The following CNTN6 variants were observed in gnomAD, a reference collection of about 807,000 sequenced individuals.
CNTN6 encodes the protein contactin-6.
Under a neutral mutation model 122.8 loss-of-function variants are expected in CNTN6, and 137 were observed. The ratio of observed to expected loss-of-function variants is 1.12; its 90% CI spans 0.97 to 1.29. The LOEUF (loss-of-function observed/expected upper bound fraction) is 1.29. CNTN6 is among the 50% of genes most tolerant of loss of function. CNTN6 has a pLI of 0.00. For missense variants in CNTN6, 1,634 were observed against 1,223.4 expected (o/e 1.34, Z -5.01); for synonymous variants, 570 against 426.0 (o/e 1.34, Z -4.16).
intron 12 of CNTN6, among the ~76,000 whole-genome samples, chr3:1,367,533 C>T (rs950373213): frequency 1.3e-5 from 2 of 151,674 alleles, no homozygotes; most frequent in African/African-American, 4.8e-5. Flanking sequence ...TTTGTACATA[C>T]TAAACACAAA....
At position 1,278,483 on chromosome 3, in the gene CNTN6, C is replaced by T. The variant is rs766653024; in HGVS notation, c.429C>T (p.Leu143=). The T allele has an allele frequency of 8.7e-6, 14 of 1,612,158 alleles. No individual in the cohort carries two copies. The highest frequency in any genetic ancestry group is 1.1e-5 in the South Asian group (1 of 90,930). The change falls in exon 5 of 23, where the codon CTC becomes CTT. Residue 143 remains leucine (L), a synonymous_variant. Transcript: ENST00000446702. ...SVREGQGVVL[L]CGPPPHFGDL... is the part of the protein sequence containing the mutation. ...GAGAAGGTCAAGGTGTGGTGCTTCT[C>T]TGTGGCCCACCGCCACATTTTGGAG...
At position 1,403,496 on chromosome 3, in the gene CNTN6, G is replaced by C; in HGVS notation, c.*78G>C. 1 of 825,534 alleles carries C rather than the reference G, an allele frequency of 1.2e-6. No homozygotes were observed. Among genetic ancestry groups the C allele is most frequent in the East Asian group, 2.6e-5 (1 of 38,516 alleles). 51.1% of individuals were successfully genotyped at this position (825,534 alleles called of 1,614,324 possible). A position where few individuals can be genotyped will look rare whatever the true frequency, so the allele number is the denominator to read the frequency against. On this transcript the variant is annotated 3_prime_UTR_variant, in exon 23 of 23. Transcript: ENST00000446702. The stretch of plus-strand genomic sequence containing the variant: ...ATATGCTCTCCAGCCTCTGACACAA[G>C]ATGCGTTCTTAATACAGACTTGTTT...
At chr3:1,104,175 G>T (rs1480078363) in intron 1 of CNTN6, among the ~76,000 whole-genome samples, 2 of 151,994 alleles carry the variant, frequency 1.3e-5, no homozygotes, top group African/African-American at 4.8e-5. Context: ...AGGTGGAAAG[G>T]GGGGCTAACA....
chr3:1,247,382 T>G (rs905171052), intron 4 of CNTN6, among the ~76,000 whole-genome samples: 1 of 152,124 alleles, frequency 6.6e-6, no homozygotes, highest in African/African-American at 2.4e-5. Context: ...GTAAATGCCA[T>G]ATTCTAGTAA....
chr3:1,200,826 A>AT (rs1432672198), intron 2 of CNTN6, among the ~76,000 whole-genome samples: 1 of 152,120 alleles, frequency 6.6e-6, no homozygotes, highest in East Asian at 1.9e-4. Context: ...CTTAAGAAGA[A>AT]TAACTTGACT....
intron 4 of CNTN6, among the ~76,000 whole-genome samples, chr3:1,254,577 G>T (rs1464414058): frequency 2.6e-5 from 4 of 152,122 alleles, no homozygotes; most frequent in Non-Finnish European, 4.4e-5. Context: ...GGAAGTTACA[G>T]TGCTGATAAA....
In CNTN6 at chr3:1,217,777, C is replaced by CT. The variant is rs546966085; in HGVS notation, c.56-2910_56-2909insT. Among the ~76,000 whole-genome samples, 70 of 152,304 alleles carry CT rather than the reference C, an allele frequency of 4.6e-4. 1 individual carries two copies. The East Asian group carries it at 0.012, about 27-fold the overall frequency. ...ACAAGTGCTGTCTCCAGTAAGGAAG[C>CT]ATGGATGTCCTGCCATCAAGCAAAC... On this transcript the variant is annotated intron_variant, in intron 2 of 22. Transcript: ENST00000446702.
intron 1 of CNTN6, among the ~76,000 whole-genome samples, chr3:1,133,944 A>G (rs187373587): frequency 7.5e-4 from 114 of 152,226 alleles, no homozygotes; most frequent in African/African-American, 2.6e-3. Flanking sequence ...CCCTTCCTGG[A>G]TGTTTTCTCA....
At chr3:1,292,204 A>T (rs1324899936) in intron 5 of CNTN6, among the ~76,000 whole-genome samples, 1 of 152,130 alleles carries the variant, frequency 6.6e-6, no homozygotes, top group Non-Finnish European at 1.5e-5. Context: ...CACGAGTCCT[A>T]CTTTTGCCTT....
At chr3:1,210,426 A>AAAAGGGAAAG (rs2094019710) in intron 2 of CNTN6, among the ~76,000 whole-genome samples, 1 of 148,476 alleles carries the variant, frequency 6.7e-6, no homozygotes, top group African/African-American at 2.5e-5. Context: ...AAAAGGAAAG[A>AAAAGGGAAAG]AAAAAAAAAG....
chr3:1,156,226 C>T (rs1393978948), intron 2 of CNTN6, among the ~76,000 whole-genome samples: 2 of 152,178 alleles, frequency 1.3e-5, no homozygotes, highest in Admixed American at 6.5e-5. Flanking sequence ...AAAGGCAAAT[C>T]CAATCTTTAA....
intron 2 of CNTN6, among the ~76,000 whole-genome samples, chr3:1,190,781 C>T (rs376646827): frequency 2.6e-5 from 4 of 152,232 alleles, no homozygotes; most frequent in South Asian, 2.1e-4. Flanking sequence ...TTCTTTTTGA[C>T]GCGTGACTCA....
intron 2 of CNTN6, among the ~76,000 whole-genome samples, chr3:1,209,755 TCAAAATCAG>T (rs2094008327): frequency 6.6e-6 from 1 of 150,830 alleles, no homozygotes; most frequent in Non-Finnish European, 1.5e-5. Context: ...CCCAGCACCA[TCAAAATCAG>T]TATCTTTATA....
At chr3:1,326,973 A>G (rs1701629115) in intron 9 of CNTN6, among the ~76,000 whole-genome samples, 1 of 151,918 alleles carries the variant, frequency 6.6e-6, no homozygotes. Flanking sequence ...GGCACACTTT[A>G]TAGTAGTTTG....
At chr3:1,402,520 G>C (rs762926484) in intron 22 of CNTN6, 34 bp downstream of exon 22, 1 of 1,545,798 alleles carries the variant, frequency 6.5e-7, no homozygotes, top group Admixed American at 1.7e-5. Context: ...AGTAGATTCT[G>C]AACCTAGACA....
chr3:1,394,584 CTATATATA>C (rs111279254), intron 20 of CNTN6: 1 of 151,584 alleles, frequency 6.6e-6, no homozygotes, highest in African/African-American at 2.4e-5. Context: ...TGTATATATT[CTATATATA>C]TATATCAGAA....
At chr3:1,207,548 G>C (rs184730982) in intron 2 of CNTN6, among the ~76,000 whole-genome samples, 107 of 152,048 alleles carry the variant, frequency 7.0e-4, no homozygotes, top group Non-Finnish European at 1.2e-3. Flanking sequence ...TTCCTTCACT[G>C]CCTTTTATAA....
At chr3:1,103,037 C>T (rs1371161416) in intron 1 of CNTN6, among the ~76,000 whole-genome samples, 3 of 151,468 alleles carry the variant, frequency 2.0e-5, no homozygotes, top group Non-Finnish European at 2.9e-5. Context: ...ACCCGGGAGG[C>T]GGAGCTTGCA....
At chr3:1,402,066 T>C (rs1417817048) in intron 21 of CNTN6, among the ~76,000 whole-genome samples, 2 of 151,816 alleles carry the variant, frequency 1.3e-5, no homozygotes, top group Non-Finnish European at 1.5e-5. Flanking sequence ...GCTCCAATGA[T>C]AATAGCCTCA....
Sources: allele counts gnomAD v4.1 joint callset (sites outside exome capture counted in the v4.1 genomes callset), GRCh38; gene constraint gnomAD v4.1.1; transcripts MANE v1.5; gene names NCBI Gene and HGNC (gene_info 2026-07-23, HGNC 2026-07-21).